ATF7: variants seen among roughly 807,000 people sequenced by gnomAD.
ATF7 encodes activating transcription factor 7.
ATF7 carries 10 observed loss-of-function variants against 50.4 expected under a neutral mutation model. That is an observed-to-expected ratio of 0.20 (90% CI 0.12 to 0.34). ATF7 has a LOEUF of 0.34. ATF7 is among the 10% of genes least tolerant of loss of function. The pLI, the probability that ATF7 is intolerant of heterozygous loss-of-function variation, is 1.00. For missense variants in ATF7, 465 were observed against 613.9 expected, an observed-to-expected ratio of 0.76 and a Z score of 2.56; for synonymous variants, 201 against 226.4, an observed-to-expected ratio of 0.89 and a Z score of 1.01.
At chr12:53,518,830 G>A (rs1270044274) in intron 11 of ATF7, among the ~76,000 whole-genome samples, 3 of 151,906 alleles carry the variant, frequency 2.0e-5, no homozygotes, top group Non-Finnish European at 4.4e-5. Context: ...CGGATCAGGA[G>A]GTCAGGAGAT....
chr12:53,573,297 A>G (rs1015567741), intron 2 of ATF7, among the ~76,000 whole-genome samples: 4 of 152,090 alleles, frequency 2.6e-5, no homozygotes, highest in Non-Finnish European at 4.4e-5. Flanking sequence ...TCCATGGGGG[A>G]CTGGTTTCAA....
At chr12:53,596,102 C>G (rs1943140412) in intron 2 of ATF7, among the ~76,000 whole-genome samples, 1 of 152,052 alleles carries the variant, frequency 6.6e-6, no homozygotes, top group Non-Finnish European at 1.5e-5. Flanking sequence ...AGTTCGAGAC[C>G]AGCCTGATCA....
At chr12:53,593,185 G>A (rs1565986269) in intron 2 of ATF7, among the ~76,000 whole-genome samples, 1 of 152,126 alleles carries the variant, frequency 6.6e-6, no homozygotes, top group Non-Finnish European at 1.5e-5. Flanking sequence ...TGAGAGGACT[G>A]CTTTAGGCTA....
chr12:53,581,412 T>G (rs937709031), intron 2 of ATF7, among the ~76,000 whole-genome samples: 1 of 152,190 alleles, frequency 6.6e-6, no homozygotes, highest in African/African-American at 2.4e-5. Context: ...TTAGCTCACA[T>G]GGAACATTTA....
At chr12:53,542,832 G>A in intron 4 of ATF7, 4 of 702,364 alleles carry the variant, frequency 5.7e-6, no homozygotes, top group Non-Finnish European at 7.0e-6. Flanking sequence ...TTAATGCTTT[G>A]AATAATAGTA....
chr12:53,560,124 A>T (rs979892640), intron 2 of ATF7, among the ~76,000 whole-genome samples: 2 of 151,990 alleles, frequency 1.3e-5, no homozygotes, highest in Non-Finnish European at 2.9e-5. Flanking sequence ...GGGTTTCACC[A>T]TGTTGGCCAG....
At chr12:53,582,601 C>T (rs981526922) in intron 2 of ATF7, among the ~76,000 whole-genome samples, 11 of 152,124 alleles carry the variant, frequency 7.2e-5, no homozygotes, top group African/African-American at 1.9e-4. Flanking sequence ...TATTTTGAGA[C>T]GGAGTCTCGT....
At chr12:53,548,723 C>T (rs149539040) in intron 3 of ATF7, among the ~76,000 whole-genome samples, 34 of 152,330 alleles carry the variant, frequency 2.2e-4, no homozygotes, top group African/African-American at 8.2e-4. Context: ...CATGGTGGCT[C>T]ACGCCTCCCA....
Position 53,537,647 on chromosome 12 carries a change from T to C in ATF7, c.265-95A>G, listed in dbSNP as rs1294143783. 3 of 1,420,736 alleles carry C rather than the reference T, an allele frequency of 2.1e-6. No homozygotes were observed. In the East Asian group the frequency reaches 7.4e-5, roughly 35 times the overall value. 88.0% of individuals were successfully genotyped at this position (1,420,736 alleles called of 1,614,324 possible). A position where few individuals can be genotyped will look rare whatever the true frequency, so the allele number is the denominator to read the frequency against. On this transcript the variant is annotated intron_variant, in intron 4 of 11. Transcript: ENST00000420353. ...TTTCCAAGATAAGGGAATATGCTTC[T>C]AAGAAGTTCTGCTCTTATACAATGC...
intron 2 of ATF7, among the ~76,000 whole-genome samples, chr12:53,587,916 A>G (rs1018314027): frequency 6.1e-5 from 9 of 147,738 alleles, no homozygotes; most frequent in Admixed American, 4.8e-4. Flanking sequence ...GCACGATCTA[A>G]GCTCACTGCA....
rs117188983 is a variant in ATF7, at chr12:53,515,282, C to G, written c.*1855G>C. 1 of 152,158 alleles carries G rather than the reference C, an allele frequency of 6.6e-6. No individual in the cohort carries two copies. Among genetic ancestry groups the G allele is most frequent in the Non-Finnish European group, 1.5e-5 (1 of 68,034 alleles). The allele number at this position is 152,158 out of a possible 1,614,324, so 9.4% of individuals were successfully genotyped here. ...AGGACAGGATATCACTTTAAGGAAA[C>G]GGGAATCTTGTAGCTTAGAACATTT... On this transcript the variant is annotated 3_prime_UTR_variant, in exon 12 of 12. Coordinates refer to ENST00000420353, the MANE Select transcript of ATF7 (RefSeq NM_006856.3).
intron 2 of ATF7, among the ~76,000 whole-genome samples, chr12:53,572,196 C>T (rs1035712336): frequency 2.6e-5 from 4 of 152,148 alleles, no homozygotes; most frequent in Admixed American, 2.0e-4. Flanking sequence ...ACAGTTGTCA[C>T]TCTATCCTAA....
rs115530807 is a variant in ATF7, at chr12:53,523,164, C to T, written c.1234+112G>A. On this transcript the variant is annotated intron_variant, in intron 11 of 11. Transcript: ENST00000420353. ...TCCACAAGGGCCACTCACTCATCAG[C>T]GTGGGGTCCCCAGAACATTCAGAAT... The T allele has an allele frequency of 6.4e-4, 518 of 803,682 alleles. 2 individuals are homozygous for T. The African/African-American group carries it at 7.8e-3, about 12-fold the overall frequency. The allele number at this position is 803,682 out of a possible 1,614,324, so 49.8% of individuals were successfully genotyped here. A position where few individuals can be genotyped will look rare whatever the true frequency, so the allele number is the denominator to read the frequency against.
At chr12:53,556,908 A>G (rs1369608344) in intron 2 of ATF7, among the ~76,000 whole-genome samples, 2 of 152,194 alleles carry the variant, frequency 1.3e-5, no homozygotes, top group Admixed American at 1.3e-4. Flanking sequence ...CTCAATTAAA[A>G]TAGCTAAAAT....
chr12:53,577,962 G>GA (rs1942191616), intron 2 of ATF7, among the ~76,000 whole-genome samples: 1 of 151,962 alleles, frequency 6.6e-6, no homozygotes, highest in South Asian at 2.1e-4. Context: ...AAGGCAGAGG[G>GA]AAAATCACCT....
At chr12:53,574,454 A>G (rs1342800260) in intron 2 of ATF7, among the ~76,000 whole-genome samples, 1 of 152,142 alleles carries the variant, frequency 6.6e-6, no homozygotes, top group Non-Finnish European at 1.5e-5. Flanking sequence ...ATGTCCTAGG[A>G]CCCCAGAGAG....
In ATF7 at chr12:53,515,533, A is replaced by G. The variant is rs986798902; in HGVS notation, c.*1604T>C. 7 of 152,220 alleles carry G rather than the reference A, an allele frequency of 4.6e-5. No individual in the cohort carries two copies. The highest frequency in any genetic ancestry group is 2.6e-4 in the Admixed American group (4 of 15,284). The allele number at this position is 152,220 out of a possible 1,614,324, so 9.4% of individuals were successfully genotyped here. A position where few individuals can be genotyped will look rare whatever the true frequency, so the allele number is the denominator to read the frequency against. ...GGCCTCTGGCTCTGAATTGCTTCCTATGGTCCTGGTAGAAACTGCATAGTT... is the reference window on the plus strand; with the variant it reads ...GGCCTCTGGCTCTGAATTGCTTCCTGTGGTCCTGGTAGAAACTGCATAGTT... On this transcript the variant is annotated 3_prime_UTR_variant, in exon 12 of 12. Coordinates refer to ENST00000420353, the MANE Select transcript of ATF7 (RefSeq NM_006856.3).
chr12:53,549,221 A>G (rs1442874569), intron 3 of ATF7, among the ~76,000 whole-genome samples: 3 of 150,844 alleles, frequency 2.0e-5, no homozygotes, highest in African/African-American at 4.9e-5. Flanking sequence ...CGGGAAGCGC[A>G]GCTTGCAATG....
chr12:53,523,517 C>T (rs1348581782), intron 10 of ATF7, 133 bp from the exon 11 acceptor site: 1 of 671,106 alleles, frequency 1.5e-6, no homozygotes, highest in East Asian at 2.7e-5. Flanking sequence ...ACTCCTGATC[C>T]AGCAAGGCTT....
Sources: allele counts gnomAD v4.1 joint callset (sites outside exome capture counted in the v4.1 genomes callset), GRCh38; gene constraint gnomAD v4.1.1; transcripts MANE v1.5; gene names NCBI Gene and HGNC (gene_info 2026-07-23, HGNC 2026-07-21).